NUTF2: variants seen among roughly 807,000 people sequenced by gnomAD.
NUTF2 encodes nuclear transport factor 2, also known as placental protein 15.
Under a neutral mutation model 18.5 loss-of-function variants are expected in NUTF2, and 3 were observed. The ratio of observed to expected loss-of-function variants is 0.16; its 90% CI spans 0.07 to 0.42. NUTF2 has a LOEUF of 0.42. Among genes scored for constraint, NUTF2 ranks in the 10% least tolerant of loss-of-function variants. NUTF2 has a pLI of 0.99. For missense variants in NUTF2, 44 were observed against 160.7 expected (o/e 0.27, Z 3.93); for synonymous variants, 51 against 57.9 (o/e 0.88, Z 0.54).
At chr16:67,868,742 G>A (rs1451355213) in intron 4 of NUTF2, 143 bp downstream of exon 4, 6 of 695,604 alleles carry the variant, frequency 8.6e-6, no homozygotes, top group South Asian at 1.9e-5. Context: ...CAGTATGCTA[G>A]CCATTAGCCA....
intron 2 of NUTF2, among the ~76,000 whole-genome samples, chr16:67,866,826 T>TC (rs2057975653): frequency 6.6e-6 from 1 of 152,324 alleles, no homozygotes; most frequent in South Asian, 2.1e-4. Context: ...TAGGCTAGTC[T>TC]CCAACTCCTG....
chr16:67,851,240 T>C (rs768759111), intron 1 of NUTF2, among the ~76,000 whole-genome samples: 10 of 152,048 alleles, frequency 6.6e-5, no homozygotes, highest in Non-Finnish European at 1.2e-4. Flanking sequence ...CCCAGCACTT[T>C]GGGAGGGCGA....
intron 4 of NUTF2, chr16:67,869,924 G>A (rs1241681708): frequency 2.0e-5 from 3 of 152,232 alleles, no homozygotes; most frequent in Non-Finnish European, 4.4e-5. Context: ...TAGGCTAGCC[G>A]GGACAGGGCT....
At position 67,870,999 on chromosome 16, in the gene NUTF2, A is replaced by G. The variant is rs1027895402; in HGVS notation, c.*86A>G. ...CACTCCTCCAGATGCTCCAAATATC[A>G]TGCACAAATGAGCAGGGCCGCGGTG... On this transcript the variant is annotated 3_prime_UTR_variant, in exon 5 of 5. Transcript: ENST00000219169. 3.9e-6 allele frequency: 4 copies of G among 1,036,550 alleles called. No individual in the cohort carries two copies. In the Admixed American group the frequency reaches 5.7e-5, roughly 15 times the overall value. 64.2% of individuals were successfully genotyped at this position (1,036,550 alleles called of 1,614,324 possible).
chr16:67,847,546 CCTT>C (rs989208925), intron 1 of NUTF2: 5 of 152,410 alleles, frequency 3.3e-5, no homozygotes, highest in South Asian at 2.1e-4. Flanking sequence ...AACGCCCCCT[CCTT>C]GTCTGCCCCT....
chr16:67,852,484 G>A lies in NUTF2; in HGVS notation c.-30+5499G>A, dbSNP rs576942406. On this transcript the variant is annotated intron_variant, in intron 1 of 4. Transcript: ENST00000219169. ...CAATTCTCCTGTGTCAACCTTCCGAGTGGCTGGGATTATACCCGCCTGCCG... is the reference window on the plus strand; with the variant it reads ...CAATTCTCCTGTGTCAACCTTCCGAATGGCTGGGATTATACCCGCCTGCCG... Among the ~76,000 whole-genome samples, 23 of 151,652 alleles carry A rather than the reference G, an allele frequency of 1.5e-4. No homozygotes were observed. The East Asian group carries it at 4.5e-3, about 30-fold the overall frequency.
At chr16:67,865,253 G>T in intron 2 of NUTF2, 24 bp downstream of exon 2, 1 of 1,527,476 alleles carries the variant, frequency 6.5e-7, no homozygotes, top group Non-Finnish European at 9.1e-7. Flanking sequence ...TCTAGGGCCA[G>T]AATGGACCCT....
At chr16:67,865,671 C>G (rs2057965608) in intron 2 of NUTF2, among the ~76,000 whole-genome samples, 1 of 151,630 alleles carries the variant, frequency 6.6e-6, no homozygotes. Context: ...CCCAGGGAGG[C>G]TGATAGGTCA....
intron 1 of NUTF2, among the ~76,000 whole-genome samples, chr16:67,864,583 G>A (rs2057957454): frequency 6.6e-6 from 1 of 151,366 alleles, no homozygotes; most frequent in Non-Finnish European, 1.5e-5. Flanking sequence ...TCTTCCATCT[G>A]TCAGCGTAGC....
rs754145594 is a variant in NUTF2 at position 67,868,492 on chromosome 16, C to A, written c.172-9C>A. 3 of 1,614,158 alleles carry A rather than the reference C, an allele frequency of 1.9e-6. No homozygotes were observed. Among genetic ancestry groups the A allele is most frequent in the South Asian group, 1.1e-5 (1 of 91,076 alleles). On this transcript the variant is annotated splice_polypyrimidine_tract_variant and intron_variant, in intron 3 of 4. Coordinates refer to ENST00000219169, the MANE Select transcript of NUTF2 (RefSeq NM_005796.3). ...TTGGTTCTCCCACCTCCCACTCTCTCTCTTGTAGAGCCTTCCGTTCCAGAA... is the reference window on the plus strand; with the variant it reads ...TTGGTTCTCCCACCTCCCACTCTCTATCTTGTAGAGCCTTCCGTTCCAGAA...
intron 1 of NUTF2, among the ~76,000 whole-genome samples, chr16:67,859,295 T>G (rs2151297458): frequency 6.6e-6 from 1 of 151,662 alleles, no homozygotes; most frequent in Middle Eastern, 3.5e-3. Flanking sequence ...TTCTCCTGCC[T>G]TAGCCTCCCA....
At chr16:67,864,637 T>C (rs1379911641) in intron 1 of NUTF2, among the ~76,000 whole-genome samples, 36 of 151,858 alleles carry the variant, frequency 2.4e-4, no homozygotes, top group Admixed American at 2.4e-3. Context: ...TACAAAATAG[T>C]ACACACACAC....
intron 1 of NUTF2, among the ~76,000 whole-genome samples, chr16:67,864,053 C>T (rs889399797): frequency 6.6e-6 from 1 of 152,218 alleles, no homozygotes; most frequent in Non-Finnish European, 1.5e-5. Context: ...CAACCCTCAG[C>T]TTTCCCTCTG....
At chr16:67,867,533 T>A (rs775141334) in intron 2 of NUTF2, among the ~76,000 whole-genome samples, 28 of 152,080 alleles carry the variant, frequency 1.8e-4, no homozygotes, top group Non-Finnish European at 3.5e-4. Context: ...TGCTTCTTGG[T>A]GGTAGGGAGG....
chr16:67,851,191 A>T (rs912700924), intron 1 of NUTF2, among the ~76,000 whole-genome samples: 1 of 151,992 alleles, frequency 6.6e-6, no homozygotes, highest in Non-Finnish European at 1.5e-5. Context: ...CTTAAGAGAG[A>T]CACAGAATAG....
intron 2 of NUTF2, among the ~76,000 whole-genome samples, chr16:67,865,874 A>G (rs2057967871): frequency 6.6e-6 from 1 of 151,130 alleles, no homozygotes; most frequent in Admixed American, 6.6e-5. Context: ...GCCTGCCCCC[A>G]TGGCCAGTTA....
chr16:67,859,810 T>C (rs1363278982), intron 1 of NUTF2, among the ~76,000 whole-genome samples: 1 of 137,568 alleles, frequency 7.3e-6, no homozygotes, highest in East Asian at 2.2e-4. Context: ...TTTTTTTTTT[T>C]TTTTTTTTTT....
chr16:67,856,181 C>G (rs752206064), intron 1 of NUTF2: 1 of 327,300 alleles, frequency 3.1e-6, no homozygotes, highest in East Asian at 4.9e-5. Context: ...GTTTGCATCT[C>G]GGCCAGTTTT....
chr16:67,858,576 A>T (rs1247447117), intron 1 of NUTF2, among the ~76,000 whole-genome samples: 1 of 152,222 alleles, frequency 6.6e-6, no homozygotes, highest in Non-Finnish European at 1.5e-5. Context: ...AGTGGTCCAG[A>T]TAGAAGGAGC....
Sources: allele counts gnomAD v4.1 joint callset (sites outside exome capture counted in the v4.1 genomes callset), GRCh38; gene constraint gnomAD v4.1.1; transcripts MANE v1.5; gene names NCBI Gene and HGNC (gene_info 2026-07-23, HGNC 2026-07-21).